The following PARVA variants were observed in gnomAD, a reference collection of about 807,000 sequenced individuals.
PARVA encodes alpha-parvin.
A neutral mutation model predicts 52.6 loss-of-function variants in PARVA; 25 were observed. The observed-to-expected ratio is 0.48, with a 90% CI of 0.35 to 0.66. The LOEUF (loss-of-function observed/expected upper bound fraction) is 0.66. PARVA is among the 30% of genes least tolerant of loss of function. The pLI is 0.01. For missense variants in PARVA, 373 were observed against 450.9 expected (o/e 0.83, Z 1.56); for synonymous variants, 185 against 179.1 (o/e 1.03, Z -0.26).
chr11:12,515,697 A>G (rs1160680576), intron 10 of PARVA, among the ~76,000 whole-genome samples: 1 of 152,110 alleles, frequency 6.6e-6, no homozygotes, highest in African/African-American at 2.4e-5. Flanking sequence ...GCTTGAATGA[A>G]GCCCAGTTGC....
chr11:12,440,706 C>T (rs1457442469), intron 1 of PARVA, among the ~76,000 whole-genome samples: 2 of 152,162 alleles, frequency 1.3e-5, no homozygotes, highest in Admixed American at 6.5e-5. Flanking sequence ...GACTGGAGTC[C>T]CTATTCCCTT....
chr11:12,423,693 G>C (rs1009188191), intron 1 of PARVA, among the ~76,000 whole-genome samples: 1 of 152,066 alleles, frequency 6.6e-6, no homozygotes, highest in Non-Finnish European at 1.5e-5. Context: ...ATATCAGGTT[G>C]TTCCACCAGC....
rs185110533 is a variant in PARVA at position 12,500,211 on chromosome 11, C to G, written c.541+3613C>G. On this transcript the variant is annotated intron_variant, in intron 5 of 12. Coordinates refer to ENST00000334956, the MANE Select transcript of PARVA (RefSeq NM_018222.5). ...TGGAAGACTATTTCTAACTCAGCAGCCCTGTTTTAAATACTGCTTTCCAGC... is the reference window on the plus strand; with the variant it reads ...TGGAAGACTATTTCTAACTCAGCAGGCCTGTTTTAAATACTGCTTTCCAGC... 4.9e-3 allele frequency among the ~76,000 whole-genome samples: 749 copies of G among 152,280 alleles called. 7 individuals are homozygous for G. Among genetic ancestry groups the G allele is most frequent in the Middle Eastern group, 0.02 (6 of 294 alleles).
intron 1 of PARVA, among the ~76,000 whole-genome samples, chr11:12,454,098 A>G (rs1374185317): frequency 6.6e-6 from 1 of 152,224 alleles, no homozygotes; most frequent in Non-Finnish European, 1.5e-5. Flanking sequence ...TGAGGGATCC[A>G]GAGGTCACAA....
intron 5 of PARVA, among the ~76,000 whole-genome samples, chr11:12,499,177 T>C (rs1387731167): frequency 6.6e-6 from 1 of 152,208 alleles, no homozygotes; most frequent in Non-Finnish European, 1.5e-5. Flanking sequence ...AGGGAATAAT[T>C]ATCTCATCTT....
chr11:12,471,490 T>C (rs779701548), intron 1 of PARVA, among the ~76,000 whole-genome samples: 3 of 152,128 alleles, frequency 2.0e-5, no homozygotes, highest in Non-Finnish European at 4.4e-5. Context: ...ATAAAGAAAA[T>C]GTGGTACATA....
intron 1 of PARVA, among the ~76,000 whole-genome samples, chr11:12,471,610 AC>A (rs1940935470): frequency 6.6e-6 from 1 of 152,172 alleles, no homozygotes; most frequent in Admixed American, 6.5e-5. Context: ...GGAGCAGAAA[AC>A]CAAATATGGC....
At chr11:12,450,441 G>A (rs1480562171) in intron 1 of PARVA, among the ~76,000 whole-genome samples, 2 of 152,150 alleles carry the variant, frequency 1.3e-5, no homozygotes, top group African/African-American at 4.8e-5. Flanking sequence ...CCCCACTATT[G>A]AGCTCTGGGT....
At chr11:12,383,517 C>G (rs1939523943) in intron 1 of PARVA, among the ~76,000 whole-genome samples, 2 of 152,234 alleles carry the variant, frequency 1.3e-5, no homozygotes, top group Admixed American at 1.3e-4. Context: ...GTTCTTACCA[C>G]TTGATTCTCA....
At position 12,489,428 on chromosome 11, in the gene PARVA, C is replaced by T. The variant is rs148807610; in HGVS notation, c.401-7030C>T. 7.9e-5 allele frequency among the ~76,000 whole-genome samples: 12 copies of T among 152,048 alleles called. No individual in the cohort carries two copies. In the East Asian group the frequency reaches 2.1e-3, roughly 27 times the overall value. On this transcript the variant is annotated intron_variant, in intron 4 of 12. Transcript: ENST00000334956. ...CCAGAAGACAGCACTAGAGAAATTACCCAGAATCCAGTATAGAAAGACAAC... is the reference window on the plus strand; with the variant it reads ...CCAGAAGACAGCACTAGAGAAATTATCCAGAATCCAGTATAGAAAGACAAC...
intron 4 of PARVA, among the ~76,000 whole-genome samples, chr11:12,493,590 C>A: frequency 6.8e-6 from 1 of 146,310 alleles, no homozygotes. Context: ...AATGCTTCTC[C>A]TAAATAAGAA....
At chr11:12,485,885 C>T (rs1941152890) in intron 4 of PARVA, among the ~76,000 whole-genome samples, 1 of 152,110 alleles carries the variant, frequency 6.6e-6, no homozygotes, top group African/African-American at 2.4e-5. Context: ...TAGGAAAAAT[C>T]AAGCAGTCCT....
At chr11:12,387,987 T>C (rs1381249269) in intron 1 of PARVA, among the ~76,000 whole-genome samples, 1 of 152,164 alleles carries the variant, frequency 6.6e-6, no homozygotes, top group African/African-American at 2.4e-5. Flanking sequence ...AAAGTCTGTC[T>C]CATTCTCCCT....
At chr11:12,459,330 A>G (rs1293005604) in intron 1 of PARVA, among the ~76,000 whole-genome samples, 1 of 152,098 alleles carries the variant, frequency 6.6e-6, no homozygotes, top group African/African-American at 2.4e-5. Flanking sequence ...ACTTAAGCCC[A>G]GGAGGTCAAG....
chr11:12,514,873 A>T (rs1379095767), intron 10 of PARVA, among the ~76,000 whole-genome samples: 1 of 152,224 alleles, frequency 6.6e-6, no homozygotes, highest in Admixed American at 6.5e-5. Flanking sequence ...GTTTGCTCAC[A>T]TGCTGCATTT....
rs1182225462 is a variant in PARVA at position 12,532,466 on chromosome 11, G to C, written c.*4541G>C. Among the ~76,000 whole-genome samples the C allele has an allele frequency of 1.3e-5, 2 of 152,236 alleles. No homozygotes were observed. Among genetic ancestry groups the C allele is most frequent in the Middle Eastern group, 3.4e-3 (1 of 294 alleles). On this transcript the variant is annotated 3_prime_UTR_variant, in exon 13 of 13. Coordinates refer to ENST00000334956, the MANE Select transcript of PARVA (RefSeq NM_018222.5). The stretch of plus-strand genomic sequence containing the variant: ...GTCCCCTGAGAAATTTCTAGGATGA[G>C]TACTCTGAACTCAGGACTTCATTTA...
chr11:12,438,953 C>T (rs539047318), intron 1 of PARVA, among the ~76,000 whole-genome samples: 1 of 152,256 alleles, frequency 6.6e-6, no homozygotes, highest in African/African-American at 2.4e-5. Context: ...AAAATTGGCC[C>T]AGCAGTTCAG....
chr11:12,448,601 G>A (rs992599442), intron 1 of PARVA, among the ~76,000 whole-genome samples: 6 of 152,204 alleles, frequency 3.9e-5, no homozygotes, highest in Non-Finnish European at 8.8e-5. Context: ...TAGAACTGTC[G>A]TTTATTGGAA....
chr11:12,531,350 T>C lies in PARVA; in HGVS notation c.*3425T>C, dbSNP rs1941769889. Among the ~76,000 whole-genome samples, 1 of 152,230 alleles carries C rather than the reference T, an allele frequency of 6.6e-6. No individual in the cohort carries two copies. Among genetic ancestry groups the C allele is most frequent in the Non-Finnish European group, 1.5e-5 (1 of 68,050 alleles). ...CTTGCATTATCATCAGTTTGTTTTG[T>C]TGTGGGTTGCTTGGTTAACCCTACA... On this transcript the variant is annotated 3_prime_UTR_variant, in exon 13 of 13. Transcript: ENST00000334956.
Sources: allele counts gnomAD v4.1 joint callset (sites outside exome capture counted in the v4.1 genomes callset), GRCh38; gene constraint gnomAD v4.1.1; transcripts MANE v1.5; gene names NCBI Gene and HGNC (gene_info 2026-07-23, HGNC 2026-07-21).